The following ACSF2 variants were observed in gnomAD, a reference collection of about 807,000 sequenced individuals.
ACSF2 encodes medium-chain acyl-CoA ligase ACSF2, mitochondrial.
A neutral mutation model predicts 79.3 loss-of-function variants in ACSF2; 52 were observed. That is an observed-to-expected ratio of 0.66 (90% CI 0.53 to 0.83). The LOEUF is 0.83. ACSF2 is among the 40% of genes least tolerant of loss of function. The pLI is 0.00. For synonymous variants in ACSF2, 283 were observed against 312.6 expected (o/e 0.91, Z 1.00); for missense variants, 661 against 803.3 (o/e 0.82, Z 2.14).
chr17:50,463,416 A>G lies in ACSF2; in HGVS notation c.910A>G (p.Ile304Val), dbSNP rs955079530. The change falls in exon 8 of 16, where the codon ATC becomes GTC. Residue 304 changes from isoleucine to valine, a missense_variant. By Grantham distance (29) the Ile-to-Val change is conservative. Transcript: ENST00000300441. The surrounding 1 kb of genome is among the most constrained non-coding windows in gnomAD (Gnocchi z 4.6). ...HEKTPEQLRM[I>V]LPNPLYHCLG... ...CCAGACACCAGAGCAGTTGCGGATG[A>G]TCCTGCCCAACCCCCTGTACCATTG... 14 of 1,614,036 alleles carry G rather than the reference A, an allele frequency of 8.7e-6. No homozygotes were observed. The highest frequency in any genetic ancestry group is 9.3e-6 in the Non-Finnish European group (11 of 1,180,000).
At chr17:50,461,735 G>A (rs1334790027) in intron 4 of ACSF2, 49 bp downstream of exon 4, 1 of 1,606,986 alleles carries the variant, frequency 6.2e-7, no homozygotes, top group African/African-American at 1.3e-5. Flanking sequence ...TGGCACAGGG[G>A]GCTGCACAGA....
At chr17:50,444,304 G>A (rs1052023436) in intron 1 of ACSF2, among the ~76,000 whole-genome samples, 5 of 152,114 alleles carry the variant, frequency 3.3e-5, no homozygotes, top group African/African-American at 7.2e-5. Context: ...TGTAATCCCA[G>A]CACTTTGGGA....
At chr17:50,467,693 GCA>G (rs1308508284) in intron 10 of ACSF2, 3 of 234,076 alleles carry the variant, frequency 1.3e-5, no homozygotes, top group Non-Finnish European at 2.5e-5. Context: ...GGGAAAAACA[GCA>G]GAGGAGGGGT....
intron 1 of ACSF2, among the ~76,000 whole-genome samples, chr17:50,442,738 T>A (rs182862804): frequency 1.1e-3 from 172 of 152,302 alleles, no homozygotes; most frequent in African/African-American, 4.0e-3. Flanking sequence ...GCGTTGGGAT[T>A]ATAGGTCGTG....
Position 50,426,288 on chromosome 17 carries a change from C to T in ACSF2, c.27C>T (p.Arg9=). Residue 9 remains arginine (R), a synonymous_variant, in exon 1 of 16, where the codon CGC becomes CGT. Coordinates refer to ENST00000300441, the MANE Select transcript of ACSF2 (RefSeq NM_025149.6). ...TGGCTGTCTACGTCGGGATGCTGCG[C>T]CTGGGGAGGCTGTGCGCCGGGAGCT... MAVYVGML[R]LGRLCAGSSG... The T allele has an allele frequency of 7.1e-7, 1 of 1,409,780 alleles. No homozygotes were observed. Among genetic ancestry groups the T allele is most frequent in the Non-Finnish European group, 9.3e-7 (1 of 1,076,766 alleles). The allele number at this position is 1,409,780 out of a possible 1,614,324, so 87.3% of individuals were successfully genotyped here. A position where few individuals can be genotyped will look rare whatever the true frequency, so the allele number is the denominator to read the frequency against.
At chr17:50,457,533 G>A (rs2032086531) in intron 1 of ACSF2, among the ~76,000 whole-genome samples, 1 of 152,230 alleles carries the variant, frequency 6.6e-6, no homozygotes, top group East Asian at 1.9e-4. Context: ...AAATTACAAG[G>A]GGGAGAAGCA....
intron 1 of ACSF2, among the ~76,000 whole-genome samples, chr17:50,431,538 A>G (rs140029322): frequency 6.6e-6 from 1 of 152,202 alleles, no homozygotes; most frequent in Non-Finnish European, 1.5e-5. Flanking sequence ...TTGTGCTTCA[A>G]TCGTTGTGAA....
chr17:50,461,416 A>G, intron 3 of ACSF2, 46 bp downstream of exon 3: 3 of 1,611,982 alleles, frequency 1.9e-6, no homozygotes, highest in Non-Finnish European at 2.5e-6. Context: ...ATGGGGGAAC[A>G]TCACTGAAGG....
Position 50,471,058 on chromosome 17 carries a change from G to T in ACSF2, c.1246G>T (p.Val416Leu). Reference sequence around the variant, plus strand: ...TTATGGAACCACAGAGAACAGTCCCGTGACATTCGCGCACTTCCCTGAGGA... The same window carrying T: ...TTATGGAACCACAGAGAACAGTCCCTTGACATTCGCGCACTTCCCTGAGGA... ...VAYGTTENSP[V>L]TFAHFPEDTV... Residue 416 changes from valine (V) to leucine (L), a missense_variant, in exon 11 of 16, where the codon GTG becomes TTG. Val to Leu is a conservative substitution (Grantham distance 32). Coordinates refer to ENST00000300441, the MANE Select transcript of ACSF2 (RefSeq NM_025149.6). The surrounding 1 kb of genome is among the most constrained non-coding windows in gnomAD (Gnocchi z 4.1). 1 of 1,614,034 alleles carries T rather than the reference G, an allele frequency of 6.2e-7. No homozygotes were observed. Among genetic ancestry groups the T allele is most frequent in the Non-Finnish European group, 8.5e-7 (1 of 1,180,000 alleles).
At chr17:50,449,244 T>C (rs185077345) in intron 1 of ACSF2, among the ~76,000 whole-genome samples, 3 of 152,064 alleles carry the variant, frequency 2.0e-5, no homozygotes, top group Admixed American at 6.5e-5. Flanking sequence ...CTCGAACTCC[T>C]GAGCTCAGGC....
chr17:50,472,214 C>T (rs150451066), intron 11 of ACSF2: 1 of 542,016 alleles, frequency 1.8e-6, no homozygotes, highest in African/African-American at 2.0e-5. Context: ...GGACTCAGCT[C>T]TTCTTTCATG....
At chr17:50,464,049 G>GGCA in intron 9 of ACSF2, 140 bp downstream of exon 9, 1 of 573,786 alleles carries the variant, frequency 1.7e-6, no homozygotes, top group Non-Finnish European at 3.1e-6. Flanking sequence ...GGGAGGGAGG[G>GGCA]AGATCCCCAG....
chr17:50,472,382 GAAGCA>G, intron 11 of ACSF2, 41 bp from the exon 12 acceptor site: 3 of 1,592,172 alleles, frequency 1.9e-6, no homozygotes, highest in Non-Finnish European at 2.6e-6. Flanking sequence ...CACCTATCCT[GAAGCA>G]AGAGGATAGG....
intron 9 of ACSF2, 143 bp from the exon 10 acceptor site, chr17:50,464,075 G>A: frequency 8.2e-7 from 1 of 1,220,298 alleles, no homozygotes; most frequent in Non-Finnish European, 1.2e-6. Flanking sequence ...CTGGACACCA[G>A]CCCAGGGCCA....
rs2032495113 is a variant in ACSF2 at position 50,463,737 on chromosome 17, T to G, written c.1047-81T>G. On this transcript the variant is annotated intron_variant, in intron 8 of 15. Transcript: ENST00000300441. This position sits in a 1 kb window ranked among gnomAD's most constrained non-coding sequence, Gnocchi z 4.6. ...AGCTTCTCCTGCCTATTCCCTTTGC[T>G]GCAGTTTCATGGCGGGGTGGGTGAG... is the stretch of plus-strand genomic sequence containing the variant. 1 of 1,518,202 alleles carries G rather than the reference T, an allele frequency of 6.6e-7. No individual in the cohort carries two copies. The highest frequency in any genetic ancestry group is 1.4e-5 in the African/African-American group (1 of 72,998). 94.0% of individuals were successfully genotyped at this position (1,518,202 alleles called of 1,614,324 possible). A position where few individuals can be genotyped will look rare whatever the true frequency, so the allele number is the denominator to read the frequency against.
In ACSF2 at chr17:50,435,736, AT is replaced by A. The variant is rs565709937; in HGVS notation, c.128+9354del. On this transcript the variant is annotated intron_variant, in intron 1 of 15. Coordinates refer to ENST00000300441, the MANE Select transcript of ACSF2 (RefSeq NM_025149.6). The stretch of plus-strand genomic sequence containing the variant: ...CCAGCCCATATAGCAATTTAAAAAA[AT>A]TTTTTTATAAAGTCTAATTTATTAA... 1.6e-4 allele frequency among the ~76,000 whole-genome samples: 24 copies of A among 152,122 alleles called. No individual in the cohort carries two copies. The South Asian group carries it at 4.8e-3, about 30-fold the overall frequency.
intron 1 of ACSF2, among the ~76,000 whole-genome samples, chr17:50,453,195 C>A (rs2031782033): frequency 6.6e-6 from 1 of 152,088 alleles, no homozygotes; most frequent in African/African-American, 2.4e-5. Flanking sequence ...ATGATACTCA[C>A]CTGCATTTTT....
At chr17:50,443,580 C>G (rs1404395734) in intron 1 of ACSF2, among the ~76,000 whole-genome samples, 1 of 152,140 alleles carries the variant, frequency 6.6e-6, no homozygotes, top group Non-Finnish European at 1.5e-5. Context: ...CAGATAAATG[C>G]TTCTTGATTT....
chr17:50,426,490 A>G (rs1914993094), intron 1 of ACSF2, 101 bp downstream of exon 1: 3 of 1,241,686 alleles, frequency 2.4e-6, no homozygotes, highest in African/African-American at 1.6e-5. Flanking sequence ...GGACGAGTGC[A>G]CTGGGGGGAA....
Sources: gnomAD v4.1 joint callset for allele counts (sites outside exome capture counted in the v4.1 genomes callset) on GRCh38, gnomAD v4.1.1 for gene constraint, Gnocchi (gnomAD v3.1) non-coding constraint, MANE v1.5 for transcripts, NCBI Gene and HGNC (gene_info 2026-07-23, HGNC 2026-07-21) for gene names.